Variants in TULP4 observed in about 807,000 individuals in gnomAD.
TULP4 encodes the protein tubby-related protein 4.
A neutral mutation model predicts 129.0 loss-of-function variants in TULP4; 16 were observed. That is an observed-to-expected ratio of 0.12 (90% CI 0.08 to 0.19). The LOEUF is 0.19. TULP4 is among the 10% of genes least tolerant of loss of function. The pLI, the probability that TULP4 is intolerant of heterozygous loss-of-function variation, is 1.00. For synonymous variants in TULP4, 998 were observed against 854.0 expected (o/e 1.17, Z -2.94); for missense variants, 1,842 against 2,059.1 (o/e 0.89, Z 2.04).
At chr6:158,431,859 GT>G (rs1778636553) in intron 3 of TULP4, among the ~76,000 whole-genome samples, 2 of 151,864 alleles carry the variant, frequency 1.3e-5, no homozygotes, top group Admixed American at 1.3e-4. Context: ...AGACCTTGGC[GT>G]GAGGAAAGAG....
At chr6:158,255,684 A>G (rs1778229545) in intron 1 of TULP4, among the ~76,000 whole-genome samples, 1 of 152,212 alleles carries the variant, frequency 6.6e-6, no homozygotes, top group Non-Finnish European at 1.5e-5. Context: ...AACAGCAGAG[A>G]GAACTCTGCA....
chr6:158,299,657 TC>T (rs1367004243), intron 1 of TULP4, among the ~76,000 whole-genome samples: 1 of 152,186 alleles, frequency 6.6e-6, no homozygotes, highest in Non-Finnish European at 1.5e-5. Context: ...TGCAGTGCTT[TC>T]TTTTCCTGGT....
chr6:158,297,215 A>G (rs936103970), intron 1 of TULP4, among the ~76,000 whole-genome samples: 30 of 152,282 alleles, frequency 2.0e-4, no homozygotes, highest in Non-Finnish European at 3.7e-4. Flanking sequence ...ATTTAGTGGT[A>G]TCTCTCCTAC....
chr6:158,312,648 A>G lies in TULP4; in HGVS notation c.-1369A>G, dbSNP rs1297926981. On this transcript the variant is annotated 5_prime_UTR_variant, in exon 1 of 14. Coordinates refer to ENST00000367097, the MANE Select transcript of TULP4 (RefSeq NM_020245.5). ...ACTGATTCCTTTGCCTATCTTAATT[A>G]ACTGTATTTGAGAAATTTTAATTTA... 6.6e-6 allele frequency: 1 copy of G among 152,380 alleles called. No individual in the cohort carries two copies. Among genetic ancestry groups the G allele is most frequent in the Non-Finnish European group, 1.5e-5 (1 of 68,148 alleles). 9.4% of individuals were successfully genotyped at this position (152,380 alleles called of 1,614,324 possible).
intron 13 of TULP4, among the ~76,000 whole-genome samples, chr6:158,505,353 T>TG (rs1472221635): frequency 6.6e-6 from 1 of 152,258 alleles, no homozygotes; most frequent in Non-Finnish European, 1.5e-5. Flanking sequence ...TACTGGCCTT[T>TG]GGGCCACTCT....
At chr6:158,337,792 T>TC (rs1780082640) in intron 1 of TULP4, among the ~76,000 whole-genome samples, 1 of 4,034 alleles carries the variant, frequency 2.5e-4, no homozygotes, top group Non-Finnish European at 1.2e-3. Context: ...GAATGTTTGA[T>TC]TTTTTTTTTT....
At position 158,501,897 on chromosome 6, in the gene TULP4, C is replaced by T. The variant is rs1346777862; in HGVS notation, c.2234C>T (p.Pro745Leu). The T allele has an allele frequency of 6.2e-7, 1 of 1,614,128 alleles. No individual in the cohort carries two copies. The highest frequency in any genetic ancestry group is 1.1e-5 in the South Asian group (1 of 91,080). Reference protein sequence around the residue: ...EHAGDSATQYPVSNRYSNPGQ... With the variant: ...EHAGDSATQYLVSNRYSNPGQ... ...GCAGGTGACAGTGCCACCCAGTACC[C>T]AGTCTCCAACCGGTACTCCAATCCT... The change falls in exon 13 of 14, where the codon CCA (proline) becomes CTA (leucine). Residue 745 changes from proline (P) to leucine (L), a missense_variant. Physicochemically the swap from Pro to Leu is moderately conservative, Grantham distance 98. Transcript: ENST00000367097.
intron 1 of TULP4, among the ~76,000 whole-genome samples, chr6:158,276,158 C>T (rs569442763): frequency 9.2e-5 from 14 of 151,858 alleles, no homozygotes; most frequent in Non-Finnish European, 1.3e-4. Context: ...TTAGTAGAGA[C>T]GGGGTTTTAC....
rs754592788 is a variant in TULP4, at chr6:158,489,533, G to A, written c.1487-55G>A. ...TTTTAGTTTATAGTAATGATCATTG[G>A]TAGGGGCTAATTGATATAACTTCCC... On this transcript the variant is annotated intron_variant, in intron 8 of 13. Transcript: ENST00000367097. 151 of 1,605,334 alleles carry A rather than the reference G, an allele frequency of 9.4e-5. 1 individual carries two copies. Among genetic ancestry groups the A allele is most frequent in the Non-Finnish European group, 1.2e-4 (142 of 1,173,810 alleles).
chr6:158,403,953 C>G (rs1777913411), intron 1 of TULP4, among the ~76,000 whole-genome samples: 1 of 152,174 alleles, frequency 6.6e-6, no homozygotes, highest in Admixed American at 6.5e-5. Flanking sequence ...GGACAAAACA[C>G]CTAACCTCCC....
chr6:158,315,683 C>T (rs1339421894), intron 1 of TULP4, among the ~76,000 whole-genome samples: 2 of 152,150 alleles, frequency 1.3e-5, no homozygotes, highest in African/African-American at 4.8e-5. Flanking sequence ...CCATAAACAA[C>T]AGAAATTTAT....
At chr6:158,330,606 A>G (rs1779855676) in intron 1 of TULP4, among the ~76,000 whole-genome samples, 1 of 152,232 alleles carries the variant, frequency 6.6e-6, no homozygotes, top group South Asian at 2.1e-4. Context: ...GAACAAGAAC[A>G]TAACCACTAT....
At chr6:158,417,882 CATTATTTTACAGT>C (rs1384147257) in intron 2 of TULP4, among the ~76,000 whole-genome samples, 2 of 152,052 alleles carry the variant, frequency 1.3e-5, no homozygotes, top group Non-Finnish European at 2.9e-5. Flanking sequence ...ACAGTACATG[CATTATTTTACAGT>C]ATTAGTCACC....
chr6:158,254,860 C>G (rs1778215846), intron 1 of TULP4, among the ~76,000 whole-genome samples: 1 of 152,146 alleles, frequency 6.6e-6, no homozygotes, highest in Admixed American at 6.5e-5. Flanking sequence ...TCACCCGAGA[C>G]CGGAAGTTCC....
chr6:158,403,049 G>A (rs2114984110), intron 1 of TULP4, among the ~76,000 whole-genome samples: 1 of 152,234 alleles, frequency 6.6e-6, no homozygotes, highest in Non-Finnish European at 1.5e-5. Flanking sequence ...AAGTGATACT[G>A]GAAAACTTGT....
chr6:158,247,906 C>T (rs1778056889), intron 1 of TULP4, among the ~76,000 whole-genome samples: 1 of 152,180 alleles, frequency 6.6e-6, no homozygotes, highest in Non-Finnish European at 1.5e-5. Flanking sequence ...ACAGGATTAT[C>T]TTTACACGTA....
At chr6:158,240,211 C>T (rs865828201) in intron 1 of TULP4, among the ~76,000 whole-genome samples, 11 of 56,608 alleles carry the variant, frequency 1.9e-4, no homozygotes, top group East Asian at 1.4e-3. Flanking sequence ...GCTGGCCGGG[C>T]GGGGGGCTGA....
intron 6 of TULP4, among the ~76,000 whole-genome samples, 177 bp downstream of exon 6, chr6:158,461,906 T>G (rs150349676): frequency 1.0e-3 from 156 of 152,332 alleles, no homozygotes; most frequent in African/African-American, 3.6e-3. Flanking sequence ...CTTTATTCTA[T>G]TTCCCAGTCA....
Position 158,236,795 on chromosome 6 carries a change from CTTTTTTTTTTTT to C in TULP4, n.68+4517_68+4528del, listed in dbSNP as rs71030149. On this transcript the variant is annotated intron_variant and non_coding_transcript_variant, in intron 1 of 1. Transcript: ENST00000620026. ...AGATGGGTAAATGCCCAATTCTTTTCTTTTTTTTTTTTTTTTTTTTTTTTTTTTTTTTTTTTG... is the reference window on the plus strand; with the variant it reads ...AGATGGGTAAATGCCCAATTCTTTTCTTTTTTTTTTTTTTTTTTTTTTTTG... Among the ~76,000 whole-genome samples, 160 of 63,278 alleles carry C rather than the reference CTTTTTTTTTTTT, an allele frequency of 2.5e-3. 2 individuals carry two copies. The highest frequency in any genetic ancestry group is 5.5e-3 in the African/African-American group (76 of 13,908). 41.5% of individuals were successfully genotyped at this position (63,278 alleles called of 152,430 possible).
Sources: allele counts gnomAD v4.1 joint callset (sites outside exome capture counted in the v4.1 genomes callset), GRCh38; gene constraint gnomAD v4.1.1; transcripts MANE v1.5; gene names NCBI Gene and HGNC (gene_info 2026-07-23, HGNC 2026-07-21).